Variants in PACRG observed in about 807,000 individuals in gnomAD.
The protein encoded by PACRG is parkin coregulated gene protein.
PACRG carries 29 observed loss-of-function variants against 29.7 expected under a neutral mutation model. That is an observed-to-expected ratio of 0.98 (90% CI 0.73 to 1.33). The LOEUF is 1.33. Ranked by LOEUF, PACRG falls within the 40% of genes most tolerant of loss-of-function variation. The pLI is 0.00. For synonymous variants in PACRG, 116 were observed against 118.7 expected, an observed-to-expected ratio of 0.98 and a Z score of 0.15; for missense variants, 279 against 316.2, an observed-to-expected ratio of 0.88 and a Z score of 0.89.
chr6:162,753,746 G>A (rs1019263134), intron 1 of PACRG, among the ~76,000 whole-genome samples: 1 of 151,950 alleles, frequency 6.6e-6, no homozygotes, highest in African/African-American at 2.4e-5. Context: ...CTCTCTCTCT[G>A]TCTCTTTCCT....
intron 2 of PACRG, among the ~76,000 whole-genome samples, chr6:162,904,719 G>A (rs2128064191): frequency 6.6e-6 from 1 of 152,326 alleles, no homozygotes; most frequent in Non-Finnish European, 1.5e-5. Context: ...TAGGCATTGA[G>A]ATTAAAGTAG....
chr6:162,835,500 C>T (rs1789144007), intron 2 of PACRG, among the ~76,000 whole-genome samples: 1 of 152,068 alleles, frequency 6.6e-6, no homozygotes, highest in Non-Finnish European at 1.5e-5. Context: ...AAATCACAAA[C>T]AGTAAATTGG....
intron 1 of PACRG, among the ~76,000 whole-genome samples, chr6:162,794,684 G>A (rs7755569): frequency 6.6e-6 from 1 of 151,982 alleles, no homozygotes; most frequent in South Asian, 2.1e-4. Flanking sequence ...ACCATATATC[G>A]AAAACTACCT....
In PACRG at chr6:163,191,745, C is replaced by T. The variant is rs543969137; in HGVS notation, c.613+102337C>T. The T allele has an allele frequency of 9.0e-5, 41 of 456,418 alleles. No homozygotes were observed. In the East Asian group the frequency reaches 1.9e-3, roughly 21 times the overall value. The allele number at this position is 456,418 out of a possible 1,614,324, so 28.3% of individuals were successfully genotyped here. On this transcript the variant is annotated intron_variant, in intron 4 of 4. Transcript: ENST00000366888. ...CCATCTTCTCCACTCCCACTCAGAG[C>T]CATGACGTCCCTCTGCCCCCAGGTT... is the stretch of plus-strand genomic sequence containing the variant.
At chr6:162,981,173 A>T (rs1283520891) in intron 2 of PACRG, among the ~76,000 whole-genome samples, 1 of 151,926 alleles carries the variant, frequency 6.6e-6, no homozygotes, top group Non-Finnish European at 1.5e-5. Context: ...CACTTGGAAT[A>T]ATACTCTCCA....
At chr6:162,759,936 G>C (rs1369058679) in intron 1 of PACRG, among the ~76,000 whole-genome samples, 1 of 152,202 alleles carries the variant, frequency 6.6e-6, no homozygotes, top group African/African-American at 2.4e-5. Flanking sequence ...TGTGTGCATA[G>C]ATTTGTGCAA....
intron 3 of PACRG, among the ~76,000 whole-genome samples, chr6:163,080,145 G>A (rs922193148): frequency 1.3e-5 from 2 of 151,876 alleles, no homozygotes; most frequent in Non-Finnish European, 2.9e-5. Flanking sequence ...TGATCTGCCC[G>A]CCTCGGCCTC....
chr6:162,727,593 GCGGGGCGTGGCGCCATAC>G (rs1245191042), upstream of PACRG: 58 of 1,502,626 alleles, frequency 3.9e-5, no homozygotes, highest in African/African-American at 6.8e-4. Flanking sequence ...GTCGGCCGAG[GCGGGGCGTGGCGCCATAC>G]CGGGGCGTGG....
chr6:162,862,804 A>C (rs1791975264), intron 2 of PACRG, among the ~76,000 whole-genome samples: 1 of 152,200 alleles, frequency 6.6e-6, no homozygotes, highest in African/African-American at 2.4e-5. Context: ...GCTGCAAGGC[A>C]TCTCTCTCTG....
At chr6:163,094,989 TC>T (rs1814441200) in intron 4 of PACRG, among the ~76,000 whole-genome samples, 2 of 152,122 alleles carry the variant, frequency 1.3e-5, no homozygotes, top group Non-Finnish European at 1.5e-5. Flanking sequence ...TAAGCAGAGC[TC>T]CCAAAGCCTG....
chr6:163,081,511 C>A (rs531916123), intron 3 of PACRG, among the ~76,000 whole-genome samples: 1 of 152,160 alleles, frequency 6.6e-6, no homozygotes, highest in African/African-American at 2.4e-5. Context: ...AATCCCAACA[C>A]TTTGGAAGGC....
At chr6:163,216,700 A>G (rs992480831) in intron 4 of PACRG, among the ~76,000 whole-genome samples, 1 of 152,108 alleles carries the variant, frequency 6.6e-6, no homozygotes, top group African/African-American at 2.4e-5. Context: ...TGTACACACA[A>G]CGCAGAGATA....
At chr6:162,841,520 A>AAGG (rs1789767327) in intron 2 of PACRG, among the ~76,000 whole-genome samples, 1 of 151,872 alleles carries the variant, frequency 6.6e-6, no homozygotes, top group Non-Finnish European at 1.5e-5. Context: ...CAGTCTATCA[A>AAGG]TTTTGTTGAA....
chr6:163,303,173 T>TA (rs1253267892), intron 4 of PACRG, among the ~76,000 whole-genome samples: 1 of 151,734 alleles, frequency 6.6e-6, no homozygotes, highest in East Asian at 1.9e-4. Flanking sequence ...TCTACAAAGA[T>TA]AAAAAAATTA....
At chr6:162,727,742 C>T (rs1362063712), upstream of PACRG, 12 of 1,472,382 alleles carry the variant, frequency 8.2e-6, no homozygotes, top group East Asian at 2.5e-5. Flanking sequence ...CGCCTCCCAC[C>T]AGCGGCTCTC....
intron 1 of PACRG, among the ~76,000 whole-genome samples, chr6:162,781,540 C>G (rs1312770061): frequency 2.0e-5 from 3 of 151,562 alleles, no homozygotes; most frequent in Non-Finnish European, 4.4e-5. Flanking sequence ...TAAAATTAAT[C>G]TACTGTTTAG....
intron 2 of PACRG, among the ~76,000 whole-genome samples, chr6:163,005,231 A>G (rs997173626): frequency 2.0e-5 from 3 of 151,870 alleles, no homozygotes; most frequent in Admixed American, 2.0e-4. Flanking sequence ...AATAGTATTT[A>G]CCTTCTCAAA....
chr6:163,163,552 G>A (rs1316116188), intron 4 of PACRG, among the ~76,000 whole-genome samples: 9 of 152,174 alleles, frequency 5.9e-5, no homozygotes, highest in South Asian at 2.1e-4. Flanking sequence ...GATTACAGGC[G>A]TGAGCCACCG....
intron 1 of PACRG, among the ~76,000 whole-genome samples, chr6:162,735,175 G>C (rs1013687065): frequency 6.6e-6 from 1 of 152,020 alleles, no homozygotes; most frequent in Admixed American, 6.6e-5. Context: ...CTCCAATTTA[G>C]AACTGTTACA....
Sources: allele counts gnomAD v4.1 joint callset (sites outside exome capture counted in the v4.1 genomes callset), GRCh38; gene constraint gnomAD v4.1.1; transcripts MANE v1.5; gene names NCBI Gene and HGNC (gene_info 2026-07-23, HGNC 2026-07-21).